CIDEA: variants seen among roughly 807,000 people sequenced by gnomAD.
CIDEA encodes cell death inducing DFFA like effector a.
A neutral mutation model predicts 18.2 loss-of-function variants in CIDEA; 10 were observed. That is an observed-to-expected ratio of 0.55 (90% CI 0.34 to 0.93). The LOEUF is 0.93. CIDEA is among the 40% of genes least tolerant of loss of function. The pLI, the probability that CIDEA is intolerant of heterozygous loss-of-function variation, is 0.02. For missense variants in CIDEA, 309 were observed against 293.1 expected (o/e 1.05, Z -0.40); for synonymous variants, 128 against 124.8 (o/e 1.03, Z -0.17).
At chr18:12,275,047 G>T (rs1160146557) in intron 4 of CIDEA, among the ~76,000 whole-genome samples, 2 of 152,214 alleles carry the variant, frequency 1.3e-5, no homozygotes, top group Admixed American at 1.3e-4. Context: ...GGTTGGTCAG[G>T]CATGGTGGCT....
At chr18:12,277,036 G>A (rs1432362830) in intron 4 of CIDEA, 87 bp from the exon 5 acceptor site, 5 of 1,476,836 alleles carry the variant, frequency 3.4e-6, no homozygotes, top group Admixed American at 1.8e-5. Flanking sequence ...GTGCCTTTTG[G>A]TGGGGGGAGT....
intron 4 of CIDEA, among the ~76,000 whole-genome samples, chr18:12,276,271 G>C (rs1222480561): frequency 1.3e-5 from 2 of 151,876 alleles, no homozygotes; most frequent in Non-Finnish European, 2.9e-5. Flanking sequence ...TGGGATTACA[G>C]GCATGAACCA....
At chr18:12,257,291 G>A (rs1308628379) in intron 1 of CIDEA, among the ~76,000 whole-genome samples, 1 of 152,134 alleles carries the variant, frequency 6.6e-6, no homozygotes, top group Non-Finnish European at 1.5e-5. Flanking sequence ...GAGATGCAGA[G>A]TTCCCTCAGC....
At chr18:12,269,989 T>C (rs1026921858) in intron 3 of CIDEA, among the ~76,000 whole-genome samples, 1 of 152,196 alleles carries the variant, frequency 6.6e-6, no homozygotes, top group Non-Finnish European at 1.5e-5. Flanking sequence ...TAAGCCACCG[T>C]GCTTGGCCTA....
intron 1 of CIDEA, among the ~76,000 whole-genome samples, chr18:12,257,347 G>A (rs184816788): frequency 7.2e-5 from 11 of 152,282 alleles, no homozygotes; most frequent in African/African-American, 2.6e-4. Context: ...TACACAGCCT[G>A]TACTGCTGCC....
At chr18:12,270,894 C>CTTTTTTTTTTTTTTTTTTTTTTTTT (rs771335202) in intron 3 of CIDEA, among the ~76,000 whole-genome samples, 25 of 59,996 alleles carry the variant, frequency 4.2e-4, no homozygotes, top group Non-Finnish European at 4.9e-4. Context: ...TTTTTCTTTT[C>CTTTTTTTTTTTTTTTTTTTTTTTTT]TTTTTTTTTT....
rs1299052338 is a variant in CIDEA, at chr18:12,274,094, G to A, written c.332G>A (p.Gly111Asp). The part of the protein sequence containing the change: ...ILEKGQKWMP[G>D]SQHVPTCSPP... ...CTGCCCCTCCCCCCATTGTCACAGG[G>A]CAGCCAGCACGTCCCCACTTGCTCG... The change falls in exon 4 of 5, where the codon GGC becomes GAC. Residue 111 changes from glycine to aspartate, a missense_variant and splice_region_variant. Gly to Asp is a moderately conservative substitution (Grantham distance 94). Transcript: ENST00000320477. 1.2e-6 allele frequency: 2 copies of A among 1,614,114 alleles called. No individual in the cohort carries two copies. Among genetic ancestry groups the A allele is most frequent in the South Asian group, 2.2e-5 (2 of 91,078 alleles).
chr18:12,261,002 C>T (rs6505736), intron 1 of CIDEA, among the ~76,000 whole-genome samples: 2 of 152,034 alleles, frequency 1.3e-5, no homozygotes, highest in East Asian at 1.9e-4. Context: ...GCCACTATCA[C>T]GGTGCCTGGC....
chr18:12,254,871 C>A, intron 1 of CIDEA: 1 of 1,324,500 alleles, frequency 7.6e-7, no homozygotes, highest in African/African-American at 1.5e-5. Flanking sequence ...GAGCTGGGCG[C>A]GGGAGGGGCC....
chr18:12,268,254 A>ATTTTTTTTTTTTTTTTTTTGTTTT (rs1912411367), intron 3 of CIDEA, among the ~76,000 whole-genome samples: 1 of 51,060 alleles, frequency 2.0e-5, no homozygotes, highest in Non-Finnish European at 3.8e-5. Flanking sequence ...TTTTTTTTTC[A>ATTTTTTTTTTTTTTTTTTTGTTTT]TTTTTAGTAG....
Position 12,264,408 on chromosome 18 carries a change from C to T in CIDEA, c.285C>T (p.Asp95=). Residue 95 remains aspartate, a synonymous_variant, in exon 3 of 5, where the codon GAC becomes GAT. Transcript: ENST00000320477. The part of the protein sequence containing the change: ...DTEEFFQTLG[D]NTHFMILEKG... ...AAGAGTTCTTTCAGACCTTGGGAGA[C>T]AACACGCATTTCATGATCTTGGAAA... 1 of 1,614,044 alleles carries T rather than the reference C, an allele frequency of 6.2e-7. No individual in the cohort carries two copies. The highest frequency in any genetic ancestry group is 8.5e-7 in the Non-Finnish European group (1 of 1,179,942).
At chr18:12,268,797 A>G (rs1422585239) in intron 3 of CIDEA, among the ~76,000 whole-genome samples, 1 of 152,120 alleles carries the variant, frequency 6.6e-6, no homozygotes, top group South Asian at 2.1e-4. Flanking sequence ...AATTCATTAA[A>G]AGTAATAACC....
At chr18:12,275,055 G>A (rs1252939872) in intron 4 of CIDEA, among the ~76,000 whole-genome samples, 2 of 152,218 alleles carry the variant, frequency 1.3e-5, no homozygotes, top group African/African-American at 4.8e-5. Context: ...AGGCATGGTG[G>A]CTCACACCTA....
intron 3 of CIDEA, among the ~76,000 whole-genome samples, chr18:12,268,681 C>CACT (rs1374636134): frequency 6.6e-6 from 1 of 152,050 alleles, no homozygotes; most frequent in Non-Finnish European, 1.5e-5. Flanking sequence ...GGATTACAGG[C>CACT]GTGAGCCACC....
chr18:12,274,732 ACATAATGCCAGGGCACCGT>A (rs1912658389), intron 4 of CIDEA, among the ~76,000 whole-genome samples: 1 of 152,180 alleles, frequency 6.6e-6, no homozygotes. Flanking sequence ...TGTCCTCTCC[ACATAATGCCAGGGCACCGT>A]CATCCCAAAG....
At chr18:12,260,540 G>A (rs1274293644) in intron 1 of CIDEA, among the ~76,000 whole-genome samples, 5 of 152,052 alleles carry the variant, frequency 3.3e-5, no homozygotes, top group African/African-American at 1.2e-4. Context: ...ATTTTCACTT[G>A]GATCCATTTG....
chr18:12,255,090 G>A, intron 1 of CIDEA: 3 of 411,430 alleles, frequency 7.3e-6, no homozygotes, highest in Non-Finnish European at 1.2e-5. Context: ...GCTCGTGGTC[G>A]AACAGGCAGC....
At chr18:12,255,100 C>A in intron 1 of CIDEA, 1 of 383,238 alleles carries the variant, frequency 2.6e-6, no homozygotes, top group Non-Finnish European at 4.6e-6. Context: ...GAACAGGCAG[C>A]ATTGGCTATT....
chr18:12,273,988 C>A, intron 3 of CIDEA, 105 bp from the exon 4 acceptor site: 1 of 1,290,304 alleles, frequency 7.8e-7, no homozygotes, highest in Non-Finnish European at 1.1e-6. Context: ...GCTCACAGAC[C>A]TTAAACAGAC....
Sources: allele counts gnomAD v4.1 joint callset (sites outside exome capture counted in the v4.1 genomes callset), GRCh38; gene constraint gnomAD v4.1.1; transcripts MANE v1.5; gene names NCBI Gene and HGNC (gene_info 2026-07-23, HGNC 2026-07-21).